LRP1B: variants seen among roughly 807,000 people sequenced by gnomAD.
LRP1B encodes LDL receptor related protein 1B.
In LRP1B, 217 loss-of-function variants were observed where a neutral mutation model predicts 556.6. That is an observed-to-expected ratio of 0.39 (90% CI 0.35 to 0.44). The LOEUF is 0.44. Ranked by LOEUF, LRP1B falls within the 20% of genes least tolerant of loss-of-function variation. LRP1B has a pLI of 1.00. For missense variants in LRP1B, 5,053 were observed against 5,620.8 expected (o/e 0.90, Z 3.23); for synonymous variants, 2,047 against 1,865.8 (o/e 1.10, Z -2.50).
chr2:141,124,664 G>GAAAAAAA (rs570765407), intron 7 of LRP1B, among the ~76,000 whole-genome samples: 15 of 73,354 alleles, frequency 2.0e-4, no homozygotes, highest in Non-Finnish European at 2.9e-4. Context: ...AGTGACAAAT[G>GAAAAAAA]AAAAAAAAAA....
intron 1 of LRP1B, among the ~76,000 whole-genome samples, chr2:141,834,644 G>T (rs72993049): frequency 6.6e-6 from 1 of 151,876 alleles, no homozygotes; most frequent in Non-Finnish European, 1.5e-5. Context: ...TAGAAATGTG[G>T]TTCCAGGACA....
chr2:141,110,351 C>T (rs371864679), intron 7 of LRP1B, among the ~76,000 whole-genome samples: 1 of 151,940 alleles, frequency 6.6e-6, no homozygotes, highest in East Asian at 1.9e-4. Context: ...CAAACTAATA[C>T]TGGGAAGGGA....
chr2:140,336,749 G>T (rs924311850), intron 77 of LRP1B, among the ~76,000 whole-genome samples: 4 of 151,902 alleles, frequency 2.6e-5, no homozygotes, highest in African/African-American at 9.7e-5. Context: ...TGAGACAAAG[G>T]TAGCAGAATT....
intron 3 of LRP1B, among the ~76,000 whole-genome samples, chr2:141,418,922 G>A (rs1402396859): frequency 1.3e-5 from 2 of 151,708 alleles, no homozygotes; most frequent in African/African-American, 4.8e-5. Flanking sequence ...TTTCTGCTTT[G>A]CCTCATTGAT....
chr2:141,741,246 T>C (rs1693689962), intron 2 of LRP1B, among the ~76,000 whole-genome samples: 1 of 150,194 alleles, frequency 6.7e-6, no homozygotes, highest in South Asian at 2.1e-4. Flanking sequence ...CAGTTATCTC[T>C]TCAGTATACT....
chr2:140,770,807 G>T (rs1178817978), intron 34 of LRP1B, 74 bp downstream of exon 34: 2 of 1,274,584 alleles, frequency 1.6e-6, no homozygotes, highest in Non-Finnish European at 2.1e-6. Context: ...GACTTTGGTT[G>T]CCTAACATCT....
At chr2:140,705,940 A>G (rs1354225070) in intron 37 of LRP1B, among the ~76,000 whole-genome samples, 1 of 152,140 alleles carries the variant, frequency 6.6e-6, no homozygotes, top group African/African-American at 2.4e-5. Context: ...TGCTCCTTAA[A>G]CTGAAATTGA....
At chr2:141,992,204 T>A (rs1702365714) in intron 1 of LRP1B, among the ~76,000 whole-genome samples, 1 of 152,142 alleles carries the variant, frequency 6.6e-6, no homozygotes, top group Non-Finnish European at 1.5e-5. Flanking sequence ...ATTCCACAGG[T>A]GTGGAGCCCA....
intron 1 of LRP1B, among the ~76,000 whole-genome samples, chr2:141,854,199 G>A (rs140954542): frequency 1.3e-5 from 2 of 151,986 alleles, no homozygotes; most frequent in African/African-American, 4.8e-5. Context: ...CATGGAAGCG[G>A]CACTTACATT....
At chr2:141,600,122 G>A (rs1047735112) in intron 2 of LRP1B, among the ~76,000 whole-genome samples, 1 of 152,130 alleles carries the variant, frequency 6.6e-6, no homozygotes, top group African/African-American at 2.4e-5. Flanking sequence ...GAAGATAGAG[G>A]TGGTGAAAAA....
At chr2:140,364,466 G>A (rs1034401129) in intron 72 of LRP1B, among the ~76,000 whole-genome samples, 195 bp downstream of exon 72, 3 of 151,554 alleles carry the variant, frequency 2.0e-5, no homozygotes, top group Non-Finnish European at 4.4e-5. Context: ...TTTAGGATGA[G>A]TCTCTATAAA....
At chr2:140,862,864 A>G (rs576047558) in intron 27 of LRP1B, among the ~76,000 whole-genome samples, 1 of 152,290 alleles carries the variant, frequency 6.6e-6, no homozygotes, top group South Asian at 2.1e-4. Context: ...AAATAGAATA[A>G]AAAGGTAGAG....
chr2:141,121,436 C>T (rs1182335125), intron 7 of LRP1B, among the ~76,000 whole-genome samples: 1 of 151,628 alleles, frequency 6.6e-6, no homozygotes, highest in East Asian at 1.9e-4. Context: ...AGCTATAGGG[C>T]CATTCTTATA....
intron 83 of LRP1B, among the ~76,000 whole-genome samples, chr2:140,304,218 C>A (rs149654462): frequency 6.6e-6 from 1 of 152,178 alleles, no homozygotes; most frequent in East Asian, 1.9e-4. Flanking sequence ...AGTTATAGAT[C>A]CTTGAGGAGT....
rs766454720 is a variant in LRP1B at position 141,618,261 on chromosome 2, A to C, written c.206-137728T>G. On this transcript the variant is annotated intron_variant, in intron 2 of 90. Transcript: ENST00000389484. ...GTGACAGTGATTACAGCAAAAGGCAACTGAGAATCCTAGTTCCTTCCACAG... is the reference window on the plus strand; with the variant it reads ...GTGACAGTGATTACAGCAAAAGGCACCTGAGAATCCTAGTTCCTTCCACAG... 3.3e-5 allele frequency among the ~76,000 whole-genome samples: 5 copies of C among 152,258 alleles called. No homozygotes were observed. In the Middle Eastern group the frequency reaches 0.01, roughly 311 times the overall value.
intron 1 of LRP1B, among the ~76,000 whole-genome samples, chr2:141,834,411 T>G (rs1026803471): frequency 3.3e-5 from 5 of 151,712 alleles, no homozygotes; most frequent in Non-Finnish European, 5.9e-5. Flanking sequence ...AGAAACAAAG[T>G]GGCTATTTCA....
intron 86 of LRP1B, among the ~76,000 whole-genome samples, chr2:140,265,707 A>T (rs535776108): frequency 6.6e-6 from 1 of 152,134 alleles, no homozygotes; most frequent in South Asian, 2.1e-4. Context: ...ATGTTTTTAG[A>T]TGAAATAGTA....
chr2:141,376,030 G>A (rs1250909568), intron 3 of LRP1B, among the ~76,000 whole-genome samples: 3 of 152,136 alleles, frequency 2.0e-5, no homozygotes, highest in African/African-American at 4.8e-5. Context: ...GCAGTCCATA[G>A]TAGGGCAGTA....
chr2:140,840,095 A>G lies in LRP1B; in HGVS notation c.5115-10T>C, dbSNP rs747699431. The G allele has an allele frequency of 3.3e-6, 5 of 1,530,626 alleles. No homozygotes were observed. Among genetic ancestry groups the G allele is most frequent in the Non-Finnish European group, 3.6e-6 (4 of 1,114,502 alleles). The allele number at this position is 1,530,626 out of a possible 1,614,324, so 94.8% of individuals were successfully genotyped here. ...GGTCCAGTAGAGTTTTCTTAATTCAAAAGACATATGGATTGAAAATATTAG... is the reference window on the plus strand; with the variant it reads ...GGTCCAGTAGAGTTTTCTTAATTCAGAAGACATATGGATTGAAAATATTAG... On this transcript the variant is annotated splice_polypyrimidine_tract_variant and intron_variant, in intron 30 of 90. Coordinates refer to ENST00000389484, the MANE Select transcript of LRP1B (RefSeq NM_018557.3).
Sources: gnomAD v4.1 joint callset for allele counts (sites outside exome capture counted in the v4.1 genomes callset) on GRCh38, gnomAD v4.1.1 for gene constraint, MANE v1.5 for transcripts, NCBI Gene and HGNC (gene_info 2026-07-23, HGNC 2026-07-21) for gene names.